STAG1: variants seen among roughly 807,000 people sequenced by gnomAD.
The protein encoded by STAG1 is STAG1 cohesin complex component, also known as cohesin subunit SA-1.
Under a neutral mutation model 170.9 loss-of-function variants are expected in STAG1, and 26 were observed. That is an observed-to-expected ratio of 0.15 (90% confidence interval 0.11 to 0.21). STAG1 has a LOEUF of 0.21. Among genes scored for constraint, STAG1 ranks in the 10% least tolerant of loss-of-function variants. STAG1 has a pLI of 1.00. For missense variants in STAG1, 964 were observed against 1,509.5 expected (o/e 0.64, Z 5.99); for synonymous variants, 514 against 497.7 (o/e 1.03, Z -0.44).
chr3:136,733,522 TAGAA>T (rs1379009875), intron 1 of STAG1, among the ~76,000 whole-genome samples: 8 of 152,130 alleles, frequency 5.3e-5, no homozygotes, highest in Non-Finnish European at 8.8e-5. Flanking sequence ...AACTGAGACT[TAGAA>T]AGGTTAAAGA....
chr3:136,685,534 C>A (rs1359746105), intron 1 of STAG1, among the ~76,000 whole-genome samples: 1 of 152,194 alleles, frequency 6.6e-6, no homozygotes, highest in Non-Finnish European at 1.5e-5. Context: ...CAACTTTACA[C>A]ACAACTGACT....
chr3:136,512,096 T>TAAAAAAAAA (rs35238532), intron 7 of STAG1, among the ~76,000 whole-genome samples: 16 of 68,092 alleles, frequency 2.3e-4, no homozygotes, highest in East Asian at 9.2e-4. Flanking sequence ...CTCTACAAAA[T>TAAAAAAAAA]AAAAAAAAAA....
At chr3:136,632,683 A>G (rs1242301339) in intron 1 of STAG1, among the ~76,000 whole-genome samples, 1 of 152,090 alleles carries the variant, frequency 6.6e-6, no homozygotes, top group Non-Finnish European at 1.5e-5. Flanking sequence ...ACTCCCACGT[A>G]TTCTGGGGAA....
chr3:136,741,087 T>C (rs1162090573), intron 1 of STAG1, among the ~76,000 whole-genome samples: 2 of 152,220 alleles, frequency 1.3e-5, no homozygotes, highest in Non-Finnish European at 2.9e-5. Context: ...AGGATAGTTA[T>C]ATAGTGAAGG....
At chr3:136,345,308 G>A (rs1286626955) in intron 29 of STAG1, among the ~76,000 whole-genome samples, 1 of 151,730 alleles carries the variant, frequency 6.6e-6, no homozygotes, top group East Asian at 2.0e-4. Flanking sequence ...AGGCTGAAAT[G>A]GAACTCCTGA....
At chr3:136,367,186 C>CA (rs1292973774) in intron 24 of STAG1, 104 bp from the exon 25 acceptor site, 4 of 917,130 alleles carry the variant, frequency 4.4e-6, no homozygotes, top group Non-Finnish European at 6.5e-6. Flanking sequence ...TATAACTTCA[C>CA]AAATAGTACA....
At chr3:136,450,871 CTT>C (rs2107774811) in intron 14 of STAG1, among the ~76,000 whole-genome samples, 1 of 152,184 alleles carries the variant, frequency 6.6e-6, no homozygotes, top group Admixed American at 6.5e-5. Context: ...GTCTCAGACT[CTT>C]TATTAGCTGT....
rs1286712541 is a variant in STAG1, at chr3:136,465,014, G to A, written c.1206-26C>T. 2.6e-6 allele frequency: 4 copies of A among 1,518,626 alleles called. No homozygotes were observed. The South Asian group carries it at 3.7e-5, about 14-fold the overall frequency. 94.1% of individuals were successfully genotyped at this position (1,518,626 alleles called of 1,614,324 possible). ...CTGAAAAATACAGAAAGTAACATCT[G>A]ATCTAAAGCAAATGTTTATTTTCCT... is the stretch of plus-strand genomic sequence containing the variant. On this transcript the variant is annotated intron_variant, in intron 12 of 33. Transcript: ENST00000383202.
At chr3:136,709,726 C>A (rs1396502854) in intron 1 of STAG1, among the ~76,000 whole-genome samples, 1 of 102,978 alleles carries the variant, frequency 9.7e-6, no homozygotes, top group Non-Finnish European at 2.6e-5. Flanking sequence ...CAGAACAAGA[C>A]CCTCTCTCTA....
At chr3:136,618,417 A>G (rs1452956001) in intron 3 of STAG1, among the ~76,000 whole-genome samples, 1 of 152,208 alleles carries the variant, frequency 6.6e-6, no homozygotes, top group Non-Finnish European at 1.5e-5. Flanking sequence ...CTATAGAAGT[A>G]CCTTGCCTTG....
chr3:136,359,949 CTTA>C (rs1421197577), intron 26 of STAG1, among the ~76,000 whole-genome samples: 2 of 152,090 alleles, frequency 1.3e-5, no homozygotes, highest in African/African-American at 2.4e-5. Flanking sequence ...TGTTTTTTCA[CTTA>C]TTATATTTCA....
At chr3:136,720,807 AAAAG>A (rs1185539727) in intron 1 of STAG1, among the ~76,000 whole-genome samples, 4 of 152,058 alleles carry the variant, frequency 2.6e-5, no homozygotes, top group Admixed American at 2.6e-4. Flanking sequence ...AAGAAAAAGA[AAAAG>A]AAAAGAAATC....
At chr3:136,616,209 C>T (rs2107822866) in intron 3 of STAG1, among the ~76,000 whole-genome samples, 1 of 151,180 alleles carries the variant, frequency 6.6e-6, no homozygotes, top group African/African-American at 2.4e-5. Flanking sequence ...GCGGAACTTG[C>T]AGTGAGCCGA....
chr3:136,687,855 G>A (rs963109752), intron 1 of STAG1, among the ~76,000 whole-genome samples: 2 of 151,532 alleles, frequency 1.3e-5, no homozygotes, highest in Non-Finnish European at 2.9e-5. Context: ...TCCTGCCTCA[G>A]CCTCCCGAGT....
chr3:136,682,381 T>C (rs983218676), intron 1 of STAG1, among the ~76,000 whole-genome samples: 3 of 151,252 alleles, frequency 2.0e-5, no homozygotes, highest in East Asian at 1.9e-4. Flanking sequence ...GCCAAGATCA[T>C]GCCACTACAT....
At chr3:136,717,714 A>G (rs1943579771) in intron 1 of STAG1, among the ~76,000 whole-genome samples, 1 of 152,208 alleles carries the variant, frequency 6.6e-6, no homozygotes, top group African/African-American at 2.4e-5. Flanking sequence ...AAAACAACAC[A>G]GAAAAGAGAT....
intron 5 of STAG1, among the ~76,000 whole-genome samples, chr3:136,561,742 C>T (rs1251331512): frequency 6.6e-6 from 1 of 151,918 alleles, no homozygotes; most frequent in African/African-American, 2.4e-5. Flanking sequence ...AATTGTGAGG[C>T]TGGGTATCCT....
intron 22 of STAG1, among the ~76,000 whole-genome samples, chr3:136,381,023 C>T (rs540596882): frequency 2.4e-3 from 282 of 115,658 alleles, no homozygotes; most frequent in African/African-American, 9.3e-3. Flanking sequence ...GACCCTGTCT[C>T]GAAAAAAAAA....
chr3:136,610,038 T>G (rs1238625642), intron 3 of STAG1, among the ~76,000 whole-genome samples: 1 of 152,052 alleles, frequency 6.6e-6, no homozygotes, highest in Admixed American at 6.6e-5. Flanking sequence ...CAGAATTTTC[T>G]TTTTTTTCTT....
Sources: allele counts gnomAD v4.1 joint callset (sites outside exome capture counted in the v4.1 genomes callset), GRCh38; gene constraint gnomAD v4.1.1; transcripts MANE v1.5; gene names NCBI Gene and HGNC (gene_info 2026-07-23, HGNC 2026-07-21).